DOCK2: variants seen among roughly 807,000 people sequenced by gnomAD.
The protein encoded by DOCK2 is dedicator of cytokinesis 2.
Under a neutral mutation model 248.9 loss-of-function variants are expected in DOCK2, and 87 were observed. That is an observed-to-expected ratio of 0.35 (90% confidence interval 0.29 to 0.42). DOCK2 has a LOEUF of 0.42. Ranked by LOEUF, DOCK2 falls within the 10% of genes least tolerant of loss-of-function variation. DOCK2 has a pLI of 1.00. For missense variants in DOCK2, 1,747 were observed against 2,300.2 expected, an observed-to-expected ratio of 0.76 and a Z score of 4.92; for synonymous variants, 805 against 821.6, an observed-to-expected ratio of 0.98 and a Z score of 0.35.
At chr5:169,818,117 C>T (rs887638565) in intron 26 of DOCK2, among the ~76,000 whole-genome samples, 2 of 152,164 alleles carry the variant, frequency 1.3e-5, no homozygotes, top group South Asian at 2.1e-4. Flanking sequence ...GGCCAGCCTA[C>T]GTGAACATGC....
At chr5:169,979,142 G>T (rs1777847342) in intron 27 of DOCK2, among the ~76,000 whole-genome samples, 1 of 152,198 alleles carries the variant, frequency 6.6e-6, no homozygotes, top group African/African-American at 2.4e-5. Context: ...GAGACTGCAA[G>T]GGGTCCCTCC....
chr5:169,757,443 A>G (rs1764255367), intron 23 of DOCK2, among the ~76,000 whole-genome samples: 1 of 152,208 alleles, frequency 6.6e-6, no homozygotes, highest in Non-Finnish European at 1.5e-5. Context: ...TTTCCCCTAC[A>G]GAATACCTAG....
At chr5:169,892,577 A>T (rs561539613) in intron 27 of DOCK2, among the ~76,000 whole-genome samples, 9 of 152,318 alleles carry the variant, frequency 5.9e-5, no homozygotes, top group Non-Finnish European at 1.3e-4. Flanking sequence ...GGCCTCTCCG[A>T]TGGATGGGCA....
chr5:169,983,298 C>T, intron 28 of DOCK2, 132 bp downstream of exon 28: 1 of 960,378 alleles, frequency 1.0e-6, no homozygotes, highest in Non-Finnish European at 1.6e-6. Flanking sequence ...GTTGATGAAT[C>T]ACAGACATTT....
chr5:169,999,108 A>G (rs1467949204), intron 30 of DOCK2, among the ~76,000 whole-genome samples: 2 of 152,142 alleles, frequency 1.3e-5, no homozygotes, highest in African/African-American at 4.8e-5. Context: ...TTAGATGGAT[A>G]TTTTCCAAGA....
Position 169,747,294 on chromosome 5 carries a change from C to T in DOCK2, c.2268-102C>T. ...TCCTCCTTGAAGTCCCCACCTCCCA[C>T]TCCTTTTTGTTTTAAATTTTAAATG... On this transcript the variant is annotated intron_variant, in intron 22 of 51. Transcript: ENST00000520908. 4 of 1,039,914 alleles carry T rather than the reference C, an allele frequency of 3.8e-6. No homozygotes were observed. The South Asian group carries it at 6.7e-5, about 17-fold the overall frequency. 64.4% of individuals were successfully genotyped at this position (1,039,914 alleles called of 1,614,324 possible).
chr5:169,741,986 TA>T (rs765326453), intron 22 of DOCK2, among the ~76,000 whole-genome samples: 6 of 151,854 alleles, frequency 4.0e-5, no homozygotes, highest in African/African-American at 7.3e-5. Context: ...ATTTTTTAAA[TA>T]TTTTTTTTAT....
At chr5:170,023,582 C>A (rs1166684219) in intron 33 of DOCK2, among the ~76,000 whole-genome samples, 1 of 152,130 alleles carries the variant, frequency 6.6e-6, no homozygotes, top group Non-Finnish European at 1.5e-5. Context: ...AGGTTCCCAT[C>A]CCAAGCTCTT....
rs559599438 is a variant in DOCK2 at position 169,726,706 on chromosome 5, T to C, written c.2267+7915T>C. ...GACCCTGAAATTAGTAAGTCAGCCT[T>C]CCTCAAGTATTGGCAATGTAGTGGA... On this transcript the variant is annotated intron_variant, in intron 22 of 51. Transcript: ENST00000520908. 1.8e-4 allele frequency among the ~76,000 whole-genome samples: 28 copies of C among 152,312 alleles called. 1 individual carries two copies. The South Asian group carries it at 2.7e-3, about 15-fold the overall frequency.
intron 1 of DOCK2, among the ~76,000 whole-genome samples, chr5:169,648,774 TTGGA>T (rs1165043885): frequency 6.6e-6 from 1 of 152,192 alleles, no homozygotes; most frequent in Admixed American, 6.5e-5. Context: ...CGTAAAGCCC[TTGGA>T]ATAGTGTCTG....
intron 26 of DOCK2, among the ~76,000 whole-genome samples, chr5:169,830,613 A>G (rs1192290045): frequency 6.6e-6 from 1 of 152,224 alleles, no homozygotes; most frequent in Admixed American, 6.5e-5. Flanking sequence ...TTGAACATGC[A>G]GACTTTAGGA....
chr5:170,034,346 G>A, intron 34 of DOCK2, 53 bp from the exon 35 acceptor site: 1 of 1,604,804 alleles, frequency 6.2e-7, no homozygotes, highest in Non-Finnish European at 8.5e-7. Context: ...ACTGGCCCCA[G>A]CACAGTCTTT....
intron 5 of DOCK2, among the ~76,000 whole-genome samples, chr5:169,673,136 G>C (rs1581010831): frequency 6.6e-6 from 1 of 152,256 alleles, no homozygotes; most frequent in South Asian, 2.1e-4. Flanking sequence ...TGGGGCAGGT[G>C]GAGGGGAGTG....
chr5:170,052,659 G>A (rs1447229938), intron 41 of DOCK2, among the ~76,000 whole-genome samples: 1 of 152,162 alleles, frequency 6.6e-6, no homozygotes, highest in African/African-American at 2.4e-5. Flanking sequence ...TGAACCCCAT[G>A]ATCTGTCTGT....
chr5:169,849,588 A>G (rs1367988336), intron 27 of DOCK2, among the ~76,000 whole-genome samples: 4 of 152,254 alleles, frequency 2.6e-5, no homozygotes, highest in East Asian at 1.9e-4. Flanking sequence ...TATGATGACA[A>G]TGATATGTTT....
At position 169,956,030 on chromosome 5, in the gene DOCK2, C is replaced by T. The variant is rs531385374; in HGVS notation, c.2800-27038C>T. On this transcript the variant is annotated intron_variant, in intron 27 of 51. Coordinates refer to ENST00000520908, the MANE Select transcript of DOCK2 (RefSeq NM_004946.3). The stretch of plus-strand genomic sequence containing the variant: ...AACAAAGAGTCAAATGTGGGGGAGA[C>T]ATAGATTTGAAAAAAAAAAAAAAGA... 2.7e-5 allele frequency among the ~76,000 whole-genome samples: 4 copies of T among 145,680 alleles called. No homozygotes were observed. In the South Asian group the frequency reaches 6.6e-4, roughly 24 times the overall value.
intron 30 of DOCK2, among the ~76,000 whole-genome samples, chr5:170,006,599 A>G (rs1755041876): frequency 6.6e-6 from 1 of 152,238 alleles, no homozygotes; most frequent in Non-Finnish European, 1.5e-5. Flanking sequence ...TAAGGGGGCC[A>G]TGAGCCAAGA....
intron 1 of DOCK2, among the ~76,000 whole-genome samples, chr5:169,648,689 C>T (rs1047849224): frequency 5.9e-5 from 9 of 152,180 alleles, no homozygotes; most frequent in Non-Finnish European, 8.8e-5. Context: ...TCAGTTTCCT[C>T]ATCTGTAAAA....
chr5:169,979,712 A>G (rs1248249737), intron 27 of DOCK2, among the ~76,000 whole-genome samples: 1 of 152,202 alleles, frequency 6.6e-6, no homozygotes, highest in Non-Finnish European at 1.5e-5. Flanking sequence ...CTTCAGTCAC[A>G]TTGCACTACA....
Sources: gnomAD v4.1 joint callset for allele counts (sites outside exome capture counted in the v4.1 genomes callset) on GRCh38, gnomAD v4.1.1 for gene constraint, MANE v1.5 for transcripts, NCBI Gene and HGNC (gene_info 2026-07-23, HGNC 2026-07-21) for gene names.